Variants in UBR3 observed in about 807,000 individuals in gnomAD.
UBR3 encodes the protein E3 ubiquitin-protein ligase UBR3.
UBR3 carries 85 observed loss-of-function variants against 243.2 expected under a neutral mutation model. That is an observed-to-expected ratio of 0.35 (90% CI 0.29 to 0.42). UBR3 has a LOEUF of 0.42. Among genes scored for constraint, UBR3 ranks in the 10% least tolerant of loss-of-function variants. The pLI, the probability that UBR3 is intolerant of heterozygous loss-of-function variation, is 1.00. For synonymous variants in UBR3, 748 were observed against 799.8 expected, an observed-to-expected ratio of 0.94 and a Z score of 1.09; for missense variants, 1,686 against 2,300.8, an observed-to-expected ratio of 0.73 and a Z score of 5.47.
intron 6 of UBR3, among the ~76,000 whole-genome samples, chr2:169,894,653 A>T (rs1184594660): frequency 1.2e-4 from 18 of 152,218 alleles, no homozygotes; most frequent in Admixed American, 1.0e-3. Context: ...GAGATGTGGT[A>T]TGAACACATT....
chr2:169,875,728 T>A (rs1040690378), intron 2 of UBR3, 63 bp from the exon 3 acceptor site: 27 of 1,348,274 alleles, frequency 2.0e-5, no homozygotes, highest in South Asian at 1.7e-5. Context: ...AATACTGTTA[T>A]TTTTAGTAAG....
chr2:169,842,969 C>T (rs1030934119), intron 1 of UBR3, among the ~76,000 whole-genome samples: 9 of 152,202 alleles, frequency 5.9e-5, no homozygotes, highest in African/African-American at 1.7e-4. Flanking sequence ...ATCAGAATGG[C>T]TTTTGCTATC....
intron 29 of UBR3, among the ~76,000 whole-genome samples, chr2:170,009,625 A>G (rs2090025159): frequency 6.6e-6 from 1 of 152,268 alleles, no homozygotes; most frequent in South Asian, 2.1e-4. Flanking sequence ...AACAGACACA[A>G]CTAAGAACTT....
chr2:169,846,476 C>T (rs1415133757), intron 1 of UBR3, among the ~76,000 whole-genome samples: 2 of 152,008 alleles, frequency 1.3e-5, no homozygotes, highest in Non-Finnish European at 2.9e-5. Flanking sequence ...CTTTGGGAGG[C>T]CAAGGTGGGT....
At chr2:170,081,565 C>T (rs2091907616) in intron 38 of UBR3, among the ~76,000 whole-genome samples, 161 bp from the exon 39 acceptor site, 1 of 151,812 alleles carries the variant, frequency 6.6e-6, no homozygotes. Flanking sequence ...TGGTGAGCAC[C>T]TGTAATCCCA....
intron 1 of UBR3, among the ~76,000 whole-genome samples, chr2:169,851,321 T>C (rs1402481131): frequency 2.0e-5 from 3 of 152,154 alleles, no homozygotes; most frequent in Non-Finnish European, 2.9e-5. Flanking sequence ...CATGGGGTTT[T>C]ACCATGTTGC....
intron 29 of UBR3, 33 bp from the exon 30 acceptor site, chr2:170,015,248 T>C (rs750667274): frequency 6.5e-7 from 1 of 1,542,250 alleles, no homozygotes; most frequent in East Asian, 2.3e-5. Flanking sequence ...GAATCTTCAG[T>C]TTAATGACTG....
At chr2:169,895,720 T>G (rs1467144679) in intron 7 of UBR3, among the ~76,000 whole-genome samples, 1 of 152,174 alleles carries the variant, frequency 6.6e-6, no homozygotes, top group Non-Finnish European at 1.5e-5. Context: ...AAGCATGGGT[T>G]GAAAAGTTGC....
chr2:169,852,976 T>C (rs1378715620), intron 1 of UBR3, among the ~76,000 whole-genome samples: 1 of 151,938 alleles, frequency 6.6e-6, no homozygotes, highest in Admixed American at 6.6e-5. Flanking sequence ...CAAACGTGTG[T>C]ATGAATAATG....
At chr2:169,994,996 G>A (rs1015008662) in intron 26 of UBR3, among the ~76,000 whole-genome samples, 99 of 152,278 alleles carry the variant, frequency 6.5e-4, no homozygotes, top group African/African-American at 2.3e-3. Context: ...CCTACCTTGT[G>A]CTCTGAGCTG....
intron 9 of UBR3, 80 bp downstream of exon 9, chr2:169,905,373 A>G: frequency 1.9e-6 from 2 of 1,061,580 alleles, no homozygotes; most frequent in South Asian, 2.5e-5. Flanking sequence ...TTAAAATACA[A>G]TAGCACATCA....
At chr2:169,833,008 C>G (rs190093505) in intron 1 of UBR3, among the ~76,000 whole-genome samples, 1 of 152,094 alleles carries the variant, frequency 6.6e-6, no homozygotes, top group Non-Finnish European at 1.5e-5. Context: ...AAAATACACT[C>G]GTTCCTCAGT....
intron 35 of UBR3, among the ~76,000 whole-genome samples, chr2:170,071,000 C>T (rs1445002047): frequency 6.6e-6 from 1 of 151,958 alleles, no homozygotes; most frequent in Non-Finnish European, 1.5e-5. Flanking sequence ...ATATGAATGG[C>T]CAACAAGTAG....
At chr2:169,994,090 T>G (rs908091892) in intron 25 of UBR3, among the ~76,000 whole-genome samples, 18 of 152,222 alleles carry the variant, frequency 1.2e-4, no homozygotes, top group African/African-American at 4.3e-4. Flanking sequence ...CCATCCATCT[T>G]GAGTTTATAA....
chr2:169,922,637 C>T (rs1293213433), intron 11 of UBR3, among the ~76,000 whole-genome samples: 2 of 152,160 alleles, frequency 1.3e-5, no homozygotes, highest in Non-Finnish European at 2.9e-5. Context: ...AACCACCATT[C>T]TACTTTGTAT....
In UBR3 at chr2:169,949,609, C is replaced by T. The variant is rs1396668173; in HGVS notation, c.3089C>T (p.Ser1030Phe). 3 of 1,531,742 alleles carry T rather than the reference C, an allele frequency of 2.0e-6. No homozygotes were observed. In the Admixed American group the frequency reaches 6.4e-5, roughly 33 times the overall value. The allele number at this position is 1,531,742 out of a possible 1,614,324, so 94.9% of individuals were successfully genotyped here. The change falls in exon 23 of 39, where the codon TCT becomes TTT. Residue 1030 changes from serine to phenylalanine, a missense_variant. Around this residue, in one of 8 missense-constraint regions of UBR3, gnomAD observed 300 missense variants for 314.4 expected, o/e 0.95. Coordinates refer to ENST00000272793, the MANE Select transcript of UBR3 (RefSeq NM_172070.4). ...SSDNLGSLQN[S>F]GTAQVFSLVA... ...GTTTCTCTTTGTTAATGGTAGAATT[C>T]TGGTACAGCTCAAGTTTTCAGTTTA...
chr2:170,081,676 T>C (rs1212277844), intron 38 of UBR3, 50 bp from the exon 39 acceptor site: 1 of 1,362,078 alleles, frequency 7.3e-7, no homozygotes. Flanking sequence ...GAAATGCATG[T>C]GAAATCTTCC....
intron 1 of UBR3, among the ~76,000 whole-genome samples, chr2:169,837,615 CA>C (rs893659381): frequency 7.9e-5 from 12 of 152,190 alleles, no homozygotes; most frequent in African/African-American, 2.4e-4. Flanking sequence ...CACAGAGCAG[CA>C]GGGGGGGAGA....
At chr2:169,992,974 C>T (rs1029332581) in intron 25 of UBR3, among the ~76,000 whole-genome samples, 13 of 145,254 alleles carry the variant, frequency 8.9e-5, no homozygotes, top group African/African-American at 2.3e-4. Flanking sequence ...TTGGCCAGGC[C>T]GGTCTTGAAC....
Sources: allele counts gnomAD v4.1 joint callset (sites outside exome capture counted in the v4.1 genomes callset), GRCh38; gene constraint gnomAD v4.1.1; regional missense constraint gnomAD v4.1.1; transcripts MANE v1.5; gene names NCBI Gene and HGNC (gene_info 2026-07-23, HGNC 2026-07-21).